Variants in CLSPN observed in about 807,000 individuals in gnomAD.
The protein encoded by CLSPN is claspin, also known as claspin homolog.
In CLSPN, 85 loss-of-function variants were observed where a neutral mutation model predicts 156.3. The ratio of observed to expected loss-of-function variants is 0.54; its 90% CI spans 0.46 to 0.65. The LOEUF (loss-of-function observed/expected upper bound fraction) is 0.65. Ranked by LOEUF, CLSPN falls within the 30% of genes least tolerant of loss-of-function variation. The pLI, the probability that CLSPN is intolerant of heterozygous loss-of-function variation, is 0.00. For missense variants in CLSPN, 1,407 were observed against 1,554.9 expected (o/e 0.90, Z 1.60); for synonymous variants, 534 against 542.4 (o/e 0.98, Z 0.22).
chr1:35,743,119 T>A, intron 18 of CLSPN, 22 bp downstream of exon 18: 1 of 1,584,822 alleles, frequency 6.3e-7, no homozygotes, highest in East Asian at 2.2e-5. Flanking sequence ...CCTGAAGGAA[T>A]GGACATATTA....
chr1:35,732,721 T>C lies in CLSPN; in HGVS notation c.*3775A>G, dbSNP rs1309022900. 6.1e-6 allele frequency: 6 copies of C among 985,274 alleles called. No individual in the cohort carries two copies. The highest frequency in any genetic ancestry group is 6.2e-5 in the Admixed American group (1 of 16,256). The allele number at this position is 985,274 out of a possible 1,614,324, so 61.0% of individuals were successfully genotyped here. On this transcript the variant is annotated 3_prime_UTR_variant, in exon 25 of 25. Transcript: ENST00000318121. ...TGAAGCTGAGTCCTCCTCAGAGCCA[T>C]AGTGGCAGGTCCTGGGGCTTCAATT...
chr1:35,721,104 C>T, intron 24 of CLSPN: 1 of 634,234 alleles, frequency 1.6e-6, no homozygotes, highest in African/African-American at 1.8e-5. Flanking sequence ...TTTTGCCAAG[C>T]CTAACTTGAG....
At chr1:35,763,378 C>A (rs1218292572) in intron 3 of CLSPN, 57 bp from the exon 4 acceptor site, 4 of 1,340,704 alleles carry the variant, frequency 3.0e-6, no homozygotes, top group African/African-American at 3.0e-5. Flanking sequence ...CAGTATTTCA[C>A]AACATCATAT....
At chr1:35,741,494 T>G (rs1641688200) in intron 18 of CLSPN, among the ~76,000 whole-genome samples, 1 of 152,112 alleles carries the variant, frequency 6.6e-6, no homozygotes, top group African/African-American at 2.4e-5. Context: ...TTTTGTATTT[T>G]TAGTAGAGAC....
Position 35,748,586 on chromosome 1 carries a change from G to T in CLSPN, c.2291C>A (p.Ser764Ter). Residue 764 changes from serine (S) to a stop codon, truncating the protein, a stop_gained, in exon 13 of 25, where the codon TCA becomes TAA. Transcript: ENST00000318121. LOFTEE classifies it high-confidence loss of function. ...GTGGCTGCTCTCCTTTGTTAGCAAT[G>T]AACATGAATCATCCTCATCTAAAGA... ...PSKLDEDDSC[S>*]LLTKESSHNS... is the part of the protein sequence containing the mutation. The T allele has an allele frequency of 6.2e-7, 1 of 1,613,772 alleles. No individual in the cohort carries two copies. The highest frequency in any genetic ancestry group is 1.1e-5 in the South Asian group (1 of 91,052).
downstream of CLSPN, among the ~76,000 whole-genome samples, chr1:35,731,035 A>C (rs907065929): frequency 2.0e-5 from 3 of 151,946 alleles, no homozygotes; most frequent in Non-Finnish European, 4.4e-5. Flanking sequence ...CCCCGTCTCT[A>C]CTGAAAATAC....
chr1:35,721,513 G>A (rs1193624412), intron 24 of CLSPN, among the ~76,000 whole-genome samples: 2 of 152,126 alleles, frequency 1.3e-5, no homozygotes, highest in East Asian at 1.9e-4. Context: ...TCAGCCTCCC[G>A]AGTAGCTGGG....
At chr1:35,755,669 A>C (rs1642249417) in intron 8 of CLSPN, among the ~76,000 whole-genome samples, 1 of 152,030 alleles carries the variant, frequency 6.6e-6, no homozygotes, top group Non-Finnish European at 1.5e-5. Flanking sequence ...AGCCTCCCAA[A>C]GTGCTAGGGT....
In CLSPN at chr1:35,753,794, A is replaced by C; in HGVS notation, c.1722T>G (p.Pro574=). 2 of 1,614,224 alleles carry C rather than the reference A, an allele frequency of 1.2e-6. No homozygotes were observed. Among genetic ancestry groups the C allele is most frequent in the Non-Finnish European group, 8.5e-7 (1 of 1,180,036 alleles). ...CCAACTTCTTAGGTGCTAAAGTCAC[A>C]GGTACCACATCTGCTTTTAGCTCTT... ...GKEELKADVV[P]VTLAPKKLDG... Residue 574 remains proline (P), a synonymous_variant, in exon 9 of 25, where the codon CCT becomes CCG. Coordinates refer to ENST00000318121, the MANE Select transcript of CLSPN (RefSeq NM_022111.4).
chr1:35,747,688 A>C (rs545518732), intron 14 of CLSPN, among the ~76,000 whole-genome samples: 1 of 152,358 alleles, frequency 6.6e-6, no homozygotes, highest in Non-Finnish European at 1.5e-5. Flanking sequence ...ATTTCAAATA[A>C]GACAGAAATT....
At chr1:35,724,213 A>G (rs1641131077) in intron 24 of CLSPN, among the ~76,000 whole-genome samples, 1 of 152,234 alleles carries the variant, frequency 6.6e-6, no homozygotes, top group Non-Finnish European at 1.5e-5. Context: ...TTCTGGGATT[A>G]CAGGCATGAG....
intron 16 of CLSPN, among the ~76,000 whole-genome samples, chr1:35,744,909 G>A (rs534592151): frequency 6.6e-6 from 1 of 152,146 alleles, no homozygotes; most frequent in East Asian, 1.9e-4. Context: ...TGCCTCCCGG[G>A]TTCAAGCAAT....
intron 10 of CLSPN, 57 bp from the exon 11 acceptor site, chr1:35,749,868 A>T: frequency 6.4e-7 from 1 of 1,566,766 alleles, no homozygotes; most frequent in South Asian, 1.2e-5. Flanking sequence ...TTTAAAAGCA[A>T]ATACACTGGT....
intron 24 of CLSPN, 104 bp from the exon 25 acceptor site, chr1:35,736,710 G>T: frequency 1.4e-6 from 2 of 1,451,416 alleles, no homozygotes; most frequent in South Asian, 3.0e-5. Flanking sequence ...ATTAACAACA[G>T]AAAAAAAGAA....
At chr1:35,738,661 T>C in intron 20 of CLSPN, 79 bp from the exon 21 acceptor site, 3 of 1,384,678 alleles carry the variant, frequency 2.2e-6, no homozygotes, top group Non-Finnish European at 3.0e-6. Flanking sequence ...AATAAACCCT[T>C]ATCATTTACT....
rs1205337682 is a variant in CLSPN, at chr1:35,733,038, C to A, written c.*3458G>T. 2 of 763,404 alleles carry A rather than the reference C, an allele frequency of 2.6e-6. No homozygotes were observed. The highest frequency in any genetic ancestry group is 1.3e-4 in the Admixed American group (2 of 15,938). The allele number at this position is 763,404 out of a possible 1,614,324, so 47.3% of individuals were successfully genotyped here. On this transcript the variant is annotated 3_prime_UTR_variant, in exon 25 of 25. Transcript: ENST00000318121. ...GGAGAGCAGTGGCGTGATCTCGGCT[C>A]ACTGCAACCTCTGCCTCCCAGGTTC... is the stretch of plus-strand genomic sequence containing the variant.
intron 15 of CLSPN, 52 bp from the exon 16 acceptor site, chr1:35,745,614 T>C (rs764394559): frequency 1.5e-6 from 2 of 1,300,454 alleles, no homozygotes; most frequent in South Asian, 2.4e-5. Context: ...AGCTTTATAC[T>C]CTTTTCCCAG....
chr1:35,769,893 C>CA lies in CLSPN; in HGVS notation c.-24dup, dbSNP rs1301719443. The CA allele has an allele frequency of 6.2e-7, 1 of 1,609,122 alleles. No homozygotes were observed. On this transcript the variant is annotated 5_prime_UTR_variant, in exon 1 of 25. Coordinates refer to ENST00000318121, the MANE Select transcript of CLSPN (RefSeq NM_022111.4). Reference sequence around the variant, plus strand: ...CATGACTTCTGCCTCCCCTGCGCTCCACTAGGGACGGAGCTGTCTCTGATT... The same window carrying CA: ...CATGACTTCTGCCTCCCCTGCGCTCCAACTAGGGACGGAGCTGTCTCTGATT...
intron 5 of CLSPN, 63 bp downstream of exon 5, chr1:35,762,341 A>G (rs1225318512): frequency 8.2e-6 from 11 of 1,349,520 alleles, no homozygotes; most frequent in Non-Finnish European, 1.1e-5. Flanking sequence ...ATTTATCCCT[A>G]AGAAATCTAT....
Sources: gnomAD v4.1 joint callset for allele counts (sites outside exome capture counted in the v4.1 genomes callset) on GRCh38, gnomAD v4.1.1 for gene constraint, MANE v1.5 for transcripts, NCBI Gene and HGNC (gene_info 2026-07-23, HGNC 2026-07-21) for gene names.